Variants in DUOXA2 observed in about 807,000 individuals in gnomAD.
DUOXA2 encodes the protein dual oxidase maturation factor 2.
Under a neutral mutation model 27.6 loss-of-function variants are expected in DUOXA2, and 22 were observed. The observed-to-expected ratio is 0.80, with a 90% CI of 0.57 to 1.14. The LOEUF (loss-of-function observed/expected upper bound fraction) is 1.14. Among genes scored for constraint, DUOXA2 ranks in the 50% most tolerant of loss-of-function variants. The pLI, the probability that DUOXA2 is intolerant of heterozygous loss-of-function variation, is 0.00. For synonymous variants in DUOXA2, 188 were observed against 184.4 expected, an observed-to-expected ratio of 1.02 and a Z score of -0.16; for missense variants, 481 against 419.9, an observed-to-expected ratio of 1.15 and a Z score of -1.27.
At chr15:45,116,793 G>T (rs977251960) in intron 4 of DUOXA2, 64 bp downstream of exon 4, 22 of 1,566,332 alleles carry the variant, frequency 1.4e-5, no homozygotes, top group African/African-American at 2.7e-5. Flanking sequence ...CGTATGAGCG[G>T]GAGGATGCAG....
intron 3 of DUOXA2, 62 bp from the exon 4 acceptor site, chr15:45,116,454 A>G: frequency 6.3e-7 from 1 of 1,598,032 alleles, no homozygotes; most frequent in Non-Finnish European, 8.6e-7. Flanking sequence ...TTCCTGTCTG[A>G]ATCCGCTTAG....
chr15:45,118,275 C>T lies in DUOXA2; in HGVS notation c.*366C>T, dbSNP rs989681254. On this transcript the variant is annotated 3_prime_UTR_variant, in exon 6 of 6. Coordinates refer to ENST00000323030, the MANE Select transcript of DUOXA2 (RefSeq NM_207581.4). ...GCCCTCTAGTGAGGCCGGAGGGACC[C>T]TACCAGAGCTAGCATCTTTCTGAAC... 6 of 1,360,496 alleles carry T rather than the reference C, an allele frequency of 4.4e-6. No homozygotes were observed. The highest frequency in any genetic ancestry group is 3.9e-5 in the South Asian group (2 of 51,928). The allele number at this position is 1,360,496 out of a possible 1,614,324, so 84.3% of individuals were successfully genotyped here.
chr15:45,114,364 A>G lies in DUOXA2; in HGVS notation c.-242A>G, dbSNP rs1463736333. ...AGAACCAGGAAAGTAACGGCTACAGACAGTGAGAAATAGTTTCGCTCGCCG... is the reference window on the plus strand; with the variant it reads ...AGAACCAGGAAAGTAACGGCTACAGGCAGTGAGAAATAGTTTCGCTCGCCG... On this transcript the variant is annotated 5_prime_UTR_variant, in exon 1 of 6. Coordinates refer to ENST00000323030, the MANE Select transcript of DUOXA2 (RefSeq NM_207581.4). 1 of 580,628 alleles carries G rather than the reference A, an allele frequency of 1.7e-6. No individual in the cohort carries two copies. 36.0% of individuals were successfully genotyped at this position (580,628 alleles called of 1,614,324 possible).
chr15:45,117,885 A>T lies in DUOXA2; in HGVS notation c.939A>T (p.Leu313Phe), dbSNP rs761057646. 5.6e-6 allele frequency: 9 copies of T among 1,613,378 alleles called. No individual in the cohort carries two copies. The Admixed American group carries it at 1.5e-4, about 27-fold the overall frequency. Residue 313 changes from leucine to phenylalanine, a missense_variant, in exon 6 of 6, where the codon TTA becomes TTT. Leu to Phe is a conservative substitution (Grantham distance 22). Transcript: ENST00000323030. ...ACAAGCAGGCCGCTCTCCCAGACTTAAAATGTATCACCACTAACCTGTGAG... is the reference window on the plus strand; with the variant it reads ...ACAAGCAGGCCGCTCTCCCAGACTTTAAATGTATCACCACTAACCTGTGAG... ...PLHKQAALPD[L>F]KCITTNL is the part of the protein sequence containing the mutation.
Position 45,118,022 on chromosome 15 carries a change from C to T in DUOXA2, c.*113C>T, listed in dbSNP as rs1419801447. 6 of 1,602,038 alleles carry T rather than the reference C, an allele frequency of 3.7e-6. No homozygotes were observed. The highest frequency in any genetic ancestry group is 5.1e-6 in the Non-Finnish European group (6 of 1,171,508). On this transcript the variant is annotated 3_prime_UTR_variant, in exon 6 of 6. Transcript: ENST00000323030. Reference sequence around the variant, plus strand: ...GGAAGGGCACTGAGCGCTGCTGGCGCGAGGCCTCGGACATCCGCAGGCACC... The same window carrying T: ...GGAAGGGCACTGAGCGCTGCTGGCGTGAGGCCTCGGACATCCGCAGGCACC...
At position 45,114,621 on chromosome 15, in the gene DUOXA2, G is replaced by C. The variant is rs767813041; in HGVS notation, c.16G>C (p.Gly6Arg). 9.3e-6 allele frequency: 15 copies of C among 1,614,122 alleles called. No individual in the cohort carries two copies. Among genetic ancestry groups the C allele is most frequent in the Non-Finnish European group, 1.3e-5 (15 of 1,180,020 alleles). The change falls in exon 1 of 6, where the codon GGC becomes CGC. Residue 6 changes from glycine to arginine, a missense_variant. Transcript: ENST00000323030. ...GGCGTGCAGCATGACCCTGTGGAAC[G>C]GCGTACTGCCTTTTTACCCCCAGCC... MTLWNGVLPFYPQPRH... is the reference protein window; with the variant it reads MTLWNRVLPFYPQPRH...
At position 45,117,325 on chromosome 15, in the gene DUOXA2, G is replaced by T; in HGVS notation, c.769+20G>T. ...CAACCGGTGAGGACCGAGAGAATGG[G>T]CCCCGGGGGCTAAGGGTGGAGACAG... On this transcript the variant is annotated intron_variant, in intron 5 of 5. Transcript: ENST00000323030. 1 of 1,570,264 alleles carries T rather than the reference G, an allele frequency of 6.4e-7. No individual in the cohort carries two copies. Among genetic ancestry groups the T allele is most frequent in the Non-Finnish European group, 8.7e-7 (1 of 1,155,550 alleles).
At chr15:45,116,331 T>C (rs1894628188) in intron 3 of DUOXA2, 73 bp downstream of exon 3, 4 of 1,599,568 alleles carry the variant, frequency 2.5e-6, no homozygotes, top group Non-Finnish European at 3.4e-6. Flanking sequence ...CAGGGATAGC[T>C]GGAGGGCCTC....
At chr15:45,115,280 C>T (rs1221422102) in intron 1 of DUOXA2, 2 of 368,928 alleles carry the variant, frequency 5.4e-6, no homozygotes, top group African/African-American at 4.2e-5. Flanking sequence ...CTCCCAGAAC[C>T]TAGGTTGTGC....
Position 45,118,376 on chromosome 15 carries a change from C to G in DUOXA2, c.*467C>G. The G allele has an allele frequency of 9.0e-7, 1 of 1,109,624 alleles. No homozygotes were observed. Among genetic ancestry groups the G allele is most frequent in the Non-Finnish European group, 1.1e-6 (1 of 908,882 alleles). The allele number at this position is 1,109,624 out of a possible 1,614,324, so 68.7% of individuals were successfully genotyped here. A position where few individuals can be genotyped will look rare whatever the true frequency, so the allele number is the denominator to read the frequency against. On this transcript the variant is annotated 3_prime_UTR_variant, in exon 6 of 6. Coordinates refer to ENST00000323030, the MANE Select transcript of DUOXA2 (RefSeq NM_207581.4). ...CCGTCCTGGATGCCACTCAGCTAGC[C>G]CAGCTGAGTGGGGTGGGAAGGAATA... is the stretch of plus-strand genomic sequence containing the variant.
chr15:45,116,083 C>T, intron 2 of DUOXA2, 41 bp from the exon 3 acceptor site: 1 of 1,459,060 alleles, frequency 6.9e-7, no homozygotes, highest in Non-Finnish European at 9.6e-7. Context: ...ATTCCATTTT[C>T]CCACCCTCAT....
rs1305269737 is a variant in DUOXA2, at chr15:45,117,909, A to AG, written c.*5dup. ...TAAAATGTATCACCACTAACCTGTGAGGGGGACCCAATCTGGACTCCTTCC... is the reference window on the plus strand; with the variant it reads ...TAAAATGTATCACCACTAACCTGTGAGGGGGGACCCAATCTGGACTCCTTCC... On this transcript the variant is annotated 3_prime_UTR_variant, in exon 6 of 6. Transcript: ENST00000323030. 4 of 1,613,266 alleles carry AG rather than the reference A, an allele frequency of 2.5e-6. No homozygotes were observed. Among genetic ancestry groups the AG allele is most frequent in the Non-Finnish European group, 3.4e-6 (4 of 1,180,016 alleles).
In DUOXA2 at chr15:45,114,627, C is replaced by G. The variant is rs1595531610; in HGVS notation, c.22C>G (p.Leu8Val). 8 of 1,614,212 alleles carry G rather than the reference C, an allele frequency of 5.0e-6. No individual in the cohort carries two copies. The highest frequency in any genetic ancestry group is 6.8e-6 in the Non-Finnish European group (8 of 1,180,032). Reference sequence around the variant, plus strand: ...CAGCATGACCCTGTGGAACGGCGTACTGCCTTTTTACCCCCAGCCCCGGCA... The same window carrying G: ...CAGCATGACCCTGTGGAACGGCGTAGTGCCTTTTTACCCCCAGCCCCGGCA... MTLWNGVLPFYPQPRHAA... is the reference protein window; with the variant it reads MTLWNGVVPFYPQPRHAA... The change falls in exon 1 of 6, where the codon CTG becomes GTG. Residue 8 changes from leucine (L) to valine (V), a missense_variant. Physicochemically the swap from Leu to Val is conservative, Grantham distance 32. Coordinates refer to ENST00000323030, the MANE Select transcript of DUOXA2 (RefSeq NM_207581.4).
intron 1 of DUOXA2, 168 bp from the exon 2 acceptor site, chr15:45,115,631 A>C (rs1402458257): frequency 1.2e-6 from 1 of 840,898 alleles, no homozygotes; most frequent in Admixed American, 2.0e-5. Context: ...GTGGTCACAA[A>C]ATATCAGAAA....
chr15:45,114,439 C>A lies in DUOXA2; in HGVS notation c.-167C>A. The A allele has an allele frequency of 1.1e-6, 1 of 874,302 alleles. No individual in the cohort carries two copies. The highest frequency in any genetic ancestry group is 1.8e-6 in the Non-Finnish European group (1 of 562,970). The allele number at this position is 874,302 out of a possible 1,614,324, so 54.2% of individuals were successfully genotyped here. A position where few individuals can be genotyped will look rare whatever the true frequency, so the allele number is the denominator to read the frequency against. On this transcript the variant is annotated 5_prime_UTR_variant, in exon 1 of 6. Transcript: ENST00000323030. ...ACCCCAGAGCGTTGAGAGCAGCCCA[C>A]CTCCACGCTTCCTTAACGGAGAGGT...
In DUOXA2 at chr15:45,114,575, G is replaced by T; in HGVS notation, c.-31G>T. The stretch of plus-strand genomic sequence containing the variant: ...CCCCAGCTTGCTGGCTTGCCTGCCC[G>T]CCTGCGTGCAGCACTCGGCCGGCGT... On this transcript the variant is annotated 5_prime_UTR_variant, in exon 1 of 6. Coordinates refer to ENST00000323030, the MANE Select transcript of DUOXA2 (RefSeq NM_207581.4). 1 of 1,612,156 alleles carries T rather than the reference G, an allele frequency of 6.2e-7. No homozygotes were observed. The highest frequency in any genetic ancestry group is 8.5e-7 in the Non-Finnish European group (1 of 1,179,626).
chr15:45,118,107 C>A lies in DUOXA2; in HGVS notation c.*198C>A. ...CTTTTTTTCTTTTGTTTTTTAAAAA[C>A]TGTTTTTCCCATTAATTTTCATGGC... On this transcript the variant is annotated 3_prime_UTR_variant, in exon 6 of 6. Transcript: ENST00000323030. 6.7e-7 allele frequency: 1 copy of A among 1,486,592 alleles called. No individual in the cohort carries two copies. Among genetic ancestry groups the A allele is most frequent in the Non-Finnish European group, 8.9e-7 (1 of 1,123,180 alleles). 92.1% of individuals were successfully genotyped at this position (1,486,592 alleles called of 1,614,324 possible).
Position 45,116,641 on chromosome 15 carries a change from T to C in DUOXA2, c.466T>C (p.Tyr156His), listed in dbSNP as rs1306191814. The C allele has an allele frequency of 1.2e-5, 20 of 1,613,756 alleles. No individual in the cohort carries two copies. Among genetic ancestry groups the C allele is most frequent in the Non-Finnish European group, 1.5e-5 (18 of 1,180,054 alleles). Reference sequence around the variant, plus strand: ...GAAGGGGCTGCCGGACCCAGTGCTCTACCTGGCGGAGAAGTTCACACCGAG... The same window carrying C: ...GAAGGGGCTGCCGGACCCAGTGCTCCACCTGGCGGAGAAGTTCACACCGAG... ...LEKGLPDPVLYLAEKFTPSSP... is the reference protein window; with the variant it reads ...LEKGLPDPVLHLAEKFTPSSP... The change falls in exon 4 of 6, where the codon TAC (tyrosine) becomes CAC (histidine). Residue 156 changes from tyrosine to histidine, a missense_variant. Tyr to His is a moderately conservative substitution (Grantham distance 83). Coordinates refer to ENST00000323030, the MANE Select transcript of DUOXA2 (RefSeq NM_207581.4).
rs775982059 is a variant in DUOXA2 at position 45,117,880 on chromosome 15, G to A, written c.934G>A (p.Asp312Asn). The change falls in exon 6 of 6, where the codon GAC becomes AAC. Residue 312 changes from aspartate (D) to asparagine (N), a missense_variant. By Grantham distance (23) the Asp-to-Asn change is conservative. Coordinates refer to ENST00000323030, the MANE Select transcript of DUOXA2 (RefSeq NM_207581.4). ...ACTGCACAAGCAGGCCGCTCTCCCA[G>A]ACTTAAAATGTATCACCACTAACCT... ...DPLHKQAALP[D>N]LKCITTNL 3 of 1,613,524 alleles carry A rather than the reference G, an allele frequency of 1.9e-6. No individual in the cohort carries two copies. Among genetic ancestry groups the A allele is most frequent in the South Asian group, 1.1e-5 (1 of 91,080 alleles).
Sources: gnomAD v4.1 joint callset for allele counts on GRCh38, gnomAD v4.1.1 for gene constraint, MANE v1.5 for transcripts, NCBI Gene and HGNC (gene_info 2026-07-23, HGNC 2026-07-21) for gene names.